The following BTG4 variants were observed in gnomAD, a reference collection of about 807,000 sequenced individuals.
The protein encoded by BTG4 is protein BTG4.
Under a neutral mutation model 19.3 loss-of-function variants are expected in BTG4, and 10 were observed. The ratio of observed to expected loss-of-function variants is 0.52; its 90% CI spans 0.32 to 0.88. The LOEUF (loss-of-function observed/expected upper bound fraction) is 0.88. Among genes scored for constraint, BTG4 ranks in the 40% least tolerant of loss-of-function variants. The pLI is 0.04. For missense variants in BTG4, 238 were observed against 281.9 expected (o/e 0.84, Z 1.11); for synonymous variants, 91 against 95.7 (o/e 0.95, Z 0.29).
chr11:111,443,759 C>A, the BTG4 span, among the ~76,000 whole-genome samples: 2 of 152,170 alleles, frequency 1.3e-5, no homozygotes, highest in Non-Finnish European at 2.9e-5. Flanking sequence ...AGTCAGACAG[C>A]TGGGGGCAAC....
At chr11:111,498,927 A>C (rs879378885) in intron 1 of BTG4, 125 bp from the exon 2 acceptor site, 3 of 639,944 alleles carry the variant, frequency 4.7e-6, no homozygotes, top group Admixed American at 3.4e-5. Context: ...GCTAGAAAGA[A>C]GTCCTTAGTA....
At chr11:111,415,804 C>G in the BTG4 span, 63,717 of 151,888 alleles carry the variant, frequency 0.42, 13,679 homozygotes, top group Admixed American at 0.5. Flanking sequence ...ACTTTGCAAG[C>G]CTGAGACAGG....
the BTG4 span, among the ~76,000 whole-genome samples, chr11:111,410,103 G>A: frequency 6.6e-6 from 1 of 152,114 alleles, no homozygotes; most frequent in South Asian, 2.1e-4. Flanking sequence ...ACCTGCAATA[G>A]GCTCTTGAAT....
chr11:111,513,801 T>G (rs1350960369), upstream of BTG4, among the ~76,000 whole-genome samples: 1 of 152,240 alleles, frequency 6.6e-6, no homozygotes, highest in Non-Finnish European at 1.5e-5. Context: ...AACATGTGAT[T>G]ATTAACTTCT....
chr11:111,430,778 A>G, the BTG4 span, among the ~76,000 whole-genome samples: 1 of 152,248 alleles, frequency 6.6e-6, no homozygotes, highest in Admixed American at 6.5e-5. Flanking sequence ...CCTCAAAGTC[A>G]CACAGCCACT....
rs1469340849 is a variant in BTG4, at chr11:111,497,201, C to T, written c.510+10G>A. On this transcript the variant is annotated intron_variant, in intron 4 of 4. Transcript: ENST00000692032. Reference sequence around the variant, plus strand: ...AAAAAAGTATAGAAAAGAACTGGAACACTCTTGACCTGATAAATACTCTTC... The same window carrying T: ...AAAAAAGTATAGAAAAGAACTGGAATACTCTTGACCTGATAAATACTCTTC... 7.5e-6 allele frequency: 12 copies of T among 1,603,866 alleles called. 1 individual carries two copies. The highest frequency in any genetic ancestry group is 6.8e-5 in the Admixed American group (4 of 59,102).
the BTG4 span, among the ~76,000 whole-genome samples, chr11:111,413,122 C>A: frequency 6.6e-6 from 1 of 152,090 alleles, no homozygotes; most frequent in Non-Finnish European, 1.5e-5. Flanking sequence ...GAGATAGAGA[C>A]TAGAAGGAGG....
the BTG4 span, chr11:111,385,806 T>C: frequency 1.3e-5 from 2 of 152,206 alleles, no homozygotes; most frequent in Non-Finnish European, 2.9e-5. Context: ...TGATAAAGTT[T>C]ATATGCCAAA....
At chr11:111,471,851 C>T (rs2135532669) in intron 5 of BTG4, among the ~76,000 whole-genome samples, 1 of 152,314 alleles carries the variant, frequency 6.6e-6, no homozygotes, top group Non-Finnish European at 1.5e-5. Flanking sequence ...AACCTTCCCC[C>T]ATCTCAACTG....
At chr11:111,439,926 A>G in the BTG4 span, among the ~76,000 whole-genome samples, 146,828 of 152,268 alleles carry the variant, frequency 0.96, 71,029 homozygotes, top group East Asian at 1. Context: ...GGGGTGCCCC[A>G]GCCATCTTGG....
intron 5 of BTG4, among the ~76,000 whole-genome samples, chr11:111,478,907 A>G (rs2135563873): frequency 6.6e-6 from 1 of 152,160 alleles, no homozygotes. Context: ...TCAAGTAATC[A>G]AAGACTCAGA....
the BTG4 span, among the ~76,000 whole-genome samples, chr11:111,435,485 G>T: frequency 6.6e-6 from 1 of 152,206 alleles, no homozygotes; most frequent in African/African-American, 2.4e-5. Flanking sequence ...CACCACGAAA[G>T]CATACCGCTC....
the BTG4 span, among the ~76,000 whole-genome samples, chr11:111,390,446 G>T: frequency 6.6e-6 from 1 of 152,200 alleles, no homozygotes; most frequent in African/African-American, 2.4e-5. Flanking sequence ...GGGTCATAAA[G>T]TATCTTTCAA....
chr11:111,391,922 C>A, the BTG4 span, among the ~76,000 whole-genome samples: 1 of 152,124 alleles, frequency 6.6e-6, no homozygotes, highest in African/African-American at 2.4e-5. Flanking sequence ...CCCAAGCCAC[C>A]TGGCTCTCAT....
the BTG4 span, among the ~76,000 whole-genome samples, chr11:111,401,340 G>T: frequency 7.0e-5 from 6 of 85,756 alleles, 1 homozygote; most frequent in Non-Finnish European, 1.1e-4. Flanking sequence ...AAAATTAGCC[G>T]GGCGTGGTGG....
the BTG4 span, chr11:111,451,135 G>T: frequency 1.4e-4 from 32 of 233,286 alleles, no homozygotes; most frequent in Non-Finnish European, 2.1e-4. Flanking sequence ...AGTATGACCT[G>T]TGAGTGTCCA....
At chr11:111,422,849 T>G in the BTG4 span, among the ~76,000 whole-genome samples, 1 of 152,236 alleles carries the variant, frequency 6.6e-6, no homozygotes, top group East Asian at 1.9e-4. Context: ...AAAGCAGCTG[T>G]GGGTGGAGAG....
At chr11:111,403,796 T>C in the BTG4 span, among the ~76,000 whole-genome samples, 2 of 152,148 alleles carry the variant, frequency 1.3e-5, no homozygotes, top group Non-Finnish European at 2.9e-5. Flanking sequence ...GTATTGATGA[T>C]ATTGGTGATA....
At chr11:111,455,326 T>C in the BTG4 span, 1 of 300,932 alleles carries the variant, frequency 3.3e-6, no homozygotes, top group African/African-American at 2.2e-5. Flanking sequence ...TCCCCGAGCT[T>C]GCTGTCCCTG....
Sources: allele counts gnomAD v4.1 joint callset (sites outside exome capture counted in the v4.1 genomes callset), GRCh38; gene constraint gnomAD v4.1.1; transcripts MANE v1.5; gene names NCBI Gene and HGNC (gene_info 2026-07-23, HGNC 2026-07-21).